Variants in KDM6B observed in about 807,000 individuals in gnomAD.
KDM6B encodes lysine demethylase 6B.
In KDM6B, 22 loss-of-function variants were observed where a neutral mutation model predicts 150.4. The ratio of observed to expected loss-of-function variants is 0.15; its 90% confidence interval spans 0.10 to 0.21. The LOEUF is 0.21. Ranked by LOEUF, KDM6B falls within the 10% of genes least tolerant of loss-of-function variation. The pLI, the probability that KDM6B is intolerant of heterozygous loss-of-function variation, is 1.00. For missense variants in KDM6B, 1,984 were observed against 2,234.3 expected (o/e 0.89, Z 2.26); for synonymous variants, 1,148 against 921.1 (o/e 1.25, Z -4.46).
In KDM6B at chr17:7,849,534, G is replaced by A. The variant is rs555384289; in HGVS notation, c.3246G>A (p.Pro1082=). ...KKAREEAPGP[P]GVSRADMLKL... ...CTCGGGAGGAAGCCCCAGGGCCACC[G>A]GGTGTCAGCCGGGCCGACATGCTGA... Residue 1082 remains proline (P), a synonymous_variant, in exon 12 of 24, where the codon CCG becomes CCA. Transcript: ENST00000448097. The A allele has an allele frequency of 4.3e-6, 7 of 1,612,826 alleles. No individual in the cohort carries two copies. The highest frequency in any genetic ancestry group is 1.7e-5 in the Admixed American group (1 of 60,020).
chr17:7,846,657 C>G lies in KDM6B; in HGVS notation c.628C>G (p.Pro210Ala). Residue 210 changes from proline to alanine, a missense_variant, in exon 9 of 24, where the codon CCT becomes GCT. Around this residue, in one of 13 missense-constraint regions of KDM6B, gnomAD observed 337 missense variants for 323.9 expected, o/e 1.04. Coordinates refer to ENST00000448097, the MANE Select transcript of KDM6B (RefSeq NM_001348716.2). ...AAEPPVVQPV[P>A]PAALSGPSGE... Reference sequence around the variant, plus strand: ...TGAACCCCCAGTGGTGCAGCCTGTGCCTCCTGCAGCACTCTCAGGCCCCTC... The same window carrying G: ...TGAACCCCCAGTGGTGCAGCCTGTGGCTCCTGCAGCACTCTCAGGCCCCTC... 2 of 1,614,120 alleles carry G rather than the reference C, an allele frequency of 1.2e-6. No homozygotes were observed. The highest frequency in any genetic ancestry group is 1.7e-6 in the Non-Finnish European group (2 of 1,179,992).
chr17:7,843,306 C>T lies in KDM6B; in HGVS notation c.-268-1595C>T, dbSNP rs1347659929. 2.0e-5 allele frequency among the ~76,000 whole-genome samples: 3 copies of T among 152,110 alleles called. No homozygotes were observed. The highest frequency in any genetic ancestry group is 1.3e-4 in the Admixed American group (2 of 15,280). ...GTGGGGGCAGTCACGGAGGGCCATACTTGACCACAGTTCAGCGCCGTACCT... is the reference window on the plus strand; with the variant it reads ...GTGGGGGCAGTCACGGAGGGCCATATTTGACCACAGTTCAGCGCCGTACCT... On this transcript the variant is annotated intron_variant, in intron 2 of 23. Coordinates refer to ENST00000448097, the MANE Select transcript of KDM6B (RefSeq NM_001348716.2). This position sits in a 1 kb window ranked among gnomAD's most constrained non-coding sequence, Gnocchi z 4.5.
chr17:7,847,984 G>A lies in KDM6B; in HGVS notation c.1696G>A (p.Ala566Thr). 1.2e-6 allele frequency: 2 copies of A among 1,611,466 alleles called. No homozygotes were observed. Among genetic ancestry groups the A allele is most frequent in the Non-Finnish European group, 1.7e-6 (2 of 1,179,482 alleles). ...CAGTGGCAGCCACAGCAGCAGCCCT[G>A]CTGGGCCTGTGTCCTTTCCCCCACC... ...SNSGSHSSSP[A>T]GPVSFPPPPY... The change falls in exon 12 of 24, where the codon GCT (alanine) becomes ACT (threonine). Residue 566 changes from alanine (A) to threonine (T), a missense_variant. Ala to Thr is a moderately conservative substitution (Grantham distance 58). Transcript: ENST00000448097.
Position 7,848,797 on chromosome 17 carries a change from T to C in KDM6B, c.2509T>C (p.Tyr837His), listed in dbSNP as rs1282161854. The C allele has an allele frequency of 6.2e-7, 1 of 1,612,632 alleles. No individual in the cohort carries two copies. Among genetic ancestry groups the C allele is most frequent in the Non-Finnish European group, 8.5e-7 (1 of 1,179,956 alleles). ...TRPGPLPTTQ[Y>H]SPGPPSGATA... ...GCCTGGGCCCTTGCCCACCACTCAGTATTCCCCTGGCCCCCCATCAGGTGC... is the reference window on the plus strand; with the variant it reads ...GCCTGGGCCCTTGCCCACCACTCAGCATTCCCCTGGCCCCCCATCAGGTGC... The change falls in exon 12 of 24, where the codon TAT becomes CAT. Residue 837 changes from tyrosine (Y) to histidine (H), a missense_variant. Coordinates refer to ENST00000448097, the MANE Select transcript of KDM6B (RefSeq NM_001348716.2).
rs377466652 is a variant in KDM6B, at chr17:7,848,536, G to A, written c.2248G>A (p.Ala750Thr). ...CCCCACCACTACTGCTCCTGCTGTCGCCGTCACCACCACCACCACCACCAC... is the reference window on the plus strand; with the variant it reads ...CCCCACCACTACTGCTCCTGCTGTCACCGTCACCACCACCACCACCACCAC... Reference protein sequence around the residue: ...TAPTTTAPAVAVTTTTTTTTT... With the variant: ...TAPTTTAPAVTVTTTTTTTTT... The change falls in exon 12 of 24, where the codon GCC (alanine) becomes ACC (threonine). Residue 750 changes from alanine to threonine, a missense_variant. Ala to Thr is a moderately conservative substitution (Grantham distance 58, BLOSUM62 0). Transcript: ENST00000448097. The A allele has an allele frequency of 9.4e-6, 15 of 1,601,224 alleles. No individual in the cohort carries two copies. The highest frequency in any genetic ancestry group is 1.1e-5 in the South Asian group (1 of 90,408).
At position 7,835,726 on chromosome 17, in the gene KDM6B, C is replaced by T. The variant is rs1481558145; in HGVS notation, c.-388+1376C>T. Among the ~76,000 whole-genome samples the T allele has an allele frequency of 5.3e-5, 8 of 152,072 alleles. No individual in the cohort carries two copies. In the East Asian group the frequency reaches 1.5e-3, roughly 29 times the overall value. On this transcript the variant is annotated intron_variant, in intron 1 of 23. Transcript: ENST00000448097. Reference sequence around the variant, plus strand: ...AGCAGCTGCCTGGGACCCGCACGTGCACTCCCACACGCTCGCGCCCACCCC... The same window carrying T: ...AGCAGCTGCCTGGGACCCGCACGTGTACTCCCACACGCTCGCGCCCACCCC...
Position 7,848,576 on chromosome 17 carries a change from C to G in KDM6B, c.2288C>G (p.Ala763Gly), listed in dbSNP as rs1322167255. 1 of 1,606,136 alleles carries G rather than the reference C, an allele frequency of 6.2e-7. No homozygotes were observed. The part of the protein sequence containing the change: ...TTTTTTTTTT[A>G]TQEEEKKPPP... ...ACCACCACCACCACCACCACCACGG[C>G]CACCCAGGAAGAGGAGAAGAAGCCA... The change falls in exon 12 of 24, where the codon GCC becomes GGC. Residue 763 changes from alanine (A) to glycine (G), a missense_variant. This residue lies in a region of KDM6B where 1,379 missense variants were observed against 1,275.6 expected (regional missense o/e 1.08). Coordinates refer to ENST00000448097, the MANE Select transcript of KDM6B (RefSeq NM_001348716.2).
chr17:7,848,308 C>G lies in KDM6B; in HGVS notation c.2020C>G (p.Pro674Ala). 2 of 1,612,236 alleles carry G rather than the reference C, an allele frequency of 1.2e-6. No individual in the cohort carries two copies. Among genetic ancestry groups the G allele is most frequent in the Non-Finnish European group, 1.7e-6 (2 of 1,179,838 alleles). ...PARGPRLFDF[P>A]PTPLEDQFEE... ...CCGAGGCCCTCGACTCTTTGATTTT[C>G]CCCCCACTCCGCTGGAGGACCAGTT... The change falls in exon 12 of 24, where the codon CCC (proline) becomes GCC (alanine). Residue 674 changes from proline (P) to alanine (A), a missense_variant. By Grantham distance (27) the Pro-to-Ala change is conservative. This residue lies in a region of KDM6B where 1,379 missense variants were observed against 1,275.6 expected (regional missense o/e 1.08). Transcript: ENST00000448097.
At chr17:7,839,654 G>A (rs1427194758) in intron 1 of KDM6B, among the ~76,000 whole-genome samples, 2 of 152,110 alleles carry the variant, frequency 1.3e-5, no homozygotes, top group East Asian at 3.8e-4. Context: ...GAGGGATCAC[G>A]GGTTTGGGGT....
rs1286158641 is a variant in KDM6B at position 7,848,787 on chromosome 17, C to T, written c.2499C>T (p.Pro833=). The change falls in exon 12 of 24, where the codon CCC becomes CCT. Residue 833 remains proline (P), a synonymous_variant. Coordinates refer to ENST00000448097, the MANE Select transcript of KDM6B (RefSeq NM_001348716.2). Reference sequence around the variant, plus strand: ...TTTCCACCCGGCCTGGGCCCTTGCCCACCACTCAGTATTCCCCTGGCCCCC... The same window carrying T: ...TTTCCACCCGGCCTGGGCCCTTGCCTACCACTCAGTATTCCCCTGGCCCCC... ...AAVSTRPGPL[P]TTQYSPGPPS... The T allele has an allele frequency of 6.2e-7, 1 of 1,612,862 alleles. No individual in the cohort carries two copies. The highest frequency in any genetic ancestry group is 2.2e-5 in the East Asian group (1 of 44,874).
At position 7,850,105 on chromosome 17, in the gene KDM6B, C is replaced by T; in HGVS notation, c.3601C>T (p.Leu1201=). 1.2e-5 allele frequency: 20 copies of T among 1,613,946 alleles called. No homozygotes were observed. The highest frequency in any genetic ancestry group is 1.6e-5 in the Non-Finnish European group (19 of 1,180,032). The change falls in exon 14 of 24, where the codon CTG becomes TTG. Residue 1201 remains leucine, a synonymous_variant. Transcript: ENST00000448097. ...ESKRDAFSPV[L]LQFCTDPRNP... The stretch of plus-strand genomic sequence containing the variant: ...CAAACGGGATGCCTTCTCACCTGTC[C>T]TGCTGCAGTTCTGTACAGACCCTCG...
At position 7,848,540 on chromosome 17, in the gene KDM6B, T is replaced by TCAC. The variant is rs59627144; in HGVS notation, c.2283_2285dup (p.Thr762dup). The TCAC allele has an allele frequency of 3.2e-3, 4,986 of 1,575,902 alleles. 12 individuals carry two copies. The highest frequency in any genetic ancestry group is 0.02 in the South Asian group (1,748 of 88,838). On this transcript the variant is annotated inframe_insertion, in exon 12 of 24. Coordinates refer to ENST00000448097, the MANE Select transcript of KDM6B (RefSeq NM_001348716.2). ...ACCACTACTGCTCCTGCTGTCGCCG[T>TCAC]CACCACCACCACCACCACCACCACC...
At position 7,846,499 on chromosome 17, in the gene KDM6B, C is replaced by T; in HGVS notation, c.549+7C>T. Reference sequence around the variant, plus strand: ...GAACTTGCTACACCTTGAGGTGAGGCTGGCACTGGGTGGGTTAGGGAGGAG... The same window carrying T: ...GAACTTGCTACACCTTGAGGTGAGGTTGGCACTGGGTGGGTTAGGGAGGAG... On this transcript the variant is annotated splice_region_variant and intron_variant, in intron 8 of 23. Coordinates refer to ENST00000448097, the MANE Select transcript of KDM6B (RefSeq NM_001348716.2). The T allele has an allele frequency of 6.2e-7, 1 of 1,613,930 alleles. No individual in the cohort carries two copies.
Position 7,848,359 on chromosome 17 carries a change from C to T in KDM6B, c.2071C>T (p.Leu691=), listed in dbSNP as rs2151377469. 2 of 1,613,000 alleles carry T rather than the reference C, an allele frequency of 1.2e-6. No homozygotes were observed. The highest frequency in any genetic ancestry group is 3.3e-4 in the Middle Eastern group (2 of 6,060). ...QFEEPAEFKI[L]PDGLANIMKM... ...TGAGGAGCCAGCCGAATTCAAGATC[C>T]TACCTGATGGGCTGGCCAACATCAT... The change falls in exon 12 of 24, where the codon CTA becomes TTA. Residue 691 remains leucine, a synonymous_variant. Transcript: ENST00000448097.
chr17:7,853,652 G>T lies in KDM6B; in HGVS notation c.*131G>T. ...GCCCAGCCCTTCCACCCCATTGGCA[G>T]CTCCCCTCACTTAATTTATTAAGAA... On this transcript the variant is annotated 3_prime_UTR_variant, in exon 24 of 24. Transcript: ENST00000448097. 1 of 511,322 alleles carries T rather than the reference G, an allele frequency of 2.0e-6. No individual in the cohort carries two copies. Among genetic ancestry groups the T allele is most frequent in the Non-Finnish European group, 3.0e-6 (1 of 336,346 alleles). The allele number at this position is 511,322 out of a possible 1,614,324, so 31.7% of individuals were successfully genotyped here.
intron 21 of KDM6B, 126 bp downstream of exon 21, chr17:7,852,762 T>G: frequency 7.1e-7 from 1 of 1,416,774 alleles, no homozygotes. Context: ...AGTGTTACTG[T>G]GTTGGGGAGG....
Position 7,847,356 on chromosome 17 carries a change from T to C in KDM6B, c.1161T>C (p.Pro387=). Residue 387 remains proline, a synonymous_variant, in exon 11 of 24, where the codon CCT becomes CCC. Transcript: ENST00000448097. ...AATTACVPYA[P]SRPPGLPGTT... is the part of the protein sequence containing the mutation. ...CCACCGCCTGCGTGCCTTACGCCCC[T>C]TCCCGGCCCCCTGGCCTCCCCGGCA... 1 of 1,612,052 alleles carries C rather than the reference T, an allele frequency of 6.2e-7. No individual in the cohort carries two copies.
intron 1 of KDM6B, among the ~76,000 whole-genome samples, chr17:7,837,680 C>T (rs1360218705): frequency 6.6e-6 from 1 of 152,154 alleles, no homozygotes; most frequent in Non-Finnish European, 1.5e-5. Context: ...AATATCAACA[C>T]CTACCTTGAA....
At chr17:7,851,847 T>TGGC in intron 18 of KDM6B, 51 bp downstream of exon 18, 1 of 1,564,700 alleles carries the variant, frequency 6.4e-7, no homozygotes, top group Non-Finnish European at 8.7e-7. Flanking sequence ...GAGGAGGGGC[T>TGGC]GGCGGCGGCG....
Sources: gnomAD v4.1 joint callset for allele counts (sites outside exome capture counted in the v4.1 genomes callset) on GRCh38, gnomAD v4.1.1 for gene constraint, gnomAD v4.1.1 regional missense constraint, Gnocchi (gnomAD v3.1) non-coding constraint, MANE v1.5 for transcripts, NCBI Gene and HGNC (gene_info 2026-07-23, HGNC 2026-07-21) for gene names.